PCDH10: variants seen among roughly 807,000 people sequenced by gnomAD.
PCDH10 encodes the protein protocadherin-10.
A neutral mutation model predicts 74.4 loss-of-function variants in PCDH10; 15 were observed. The ratio of observed to expected loss-of-function variants is 0.20; its 90% CI spans 0.13 to 0.31. PCDH10 has a LOEUF of 0.31. Ranked by LOEUF, PCDH10 falls within the 10% of genes least tolerant of loss-of-function variation. The pLI, the probability that PCDH10 is intolerant of heterozygous loss-of-function variation, is 1.00. For synonymous variants in PCDH10, 619 were observed against 589.8 expected, an observed-to-expected ratio of 1.05 and a Z score of -0.72; for missense variants, 1,260 against 1,390.2, an observed-to-expected ratio of 0.91 and a Z score of 1.49.
At chr4:133,180,699 T>A (rs1413186184) in intron 4 of PCDH10, among the ~76,000 whole-genome samples, 2 of 152,078 alleles carry the variant, frequency 1.3e-5, no homozygotes, top group Non-Finnish European at 2.9e-5. Context: ...TTGTAATACT[T>A]TGCATAGATA....
At chr4:133,182,408 CT>C (rs1356523334) in intron 4 of PCDH10, among the ~76,000 whole-genome samples, 1 of 151,952 alleles carries the variant, frequency 6.6e-6, no homozygotes, top group Non-Finnish European at 1.5e-5. Flanking sequence ...TTTGTTGGAA[CT>C]TCAGATACAC....
At chr4:133,183,910 A>C (rs1349415082) in intron 4 of PCDH10, among the ~76,000 whole-genome samples, 1 of 152,120 alleles carries the variant, frequency 6.6e-6, no homozygotes, top group East Asian at 1.9e-4. Context: ...CATTTTATTC[A>C]TTCATTGATG....
At position 133,152,785 on chromosome 4, in the gene PCDH10, G is replaced by C. The variant is rs1486694068; in HGVS notation, c.2631+14G>C. 2 of 1,613,908 alleles carry C rather than the reference G, an allele frequency of 1.2e-6. No homozygotes were observed. Among genetic ancestry groups the C allele is most frequent in the African/African-American group, 2.7e-5 (2 of 74,936 alleles). On this transcript the variant is annotated intron_variant, in intron 1 of 4. Coordinates refer to ENST00000264360, the MANE Select transcript of PCDH10 (RefSeq NM_032961.3). ...TTGTCCAACGAGGTAAGGCTGAAGC[G>C]AAAGGACCACCATCTCTCATCTCCT...
chr4:133,161,657 GT>G (rs1359631998), intron 3 of PCDH10, among the ~76,000 whole-genome samples: 2 of 151,628 alleles, frequency 1.3e-5, no homozygotes, highest in Admixed American at 6.6e-5. Flanking sequence ...ATGGATTCGA[GT>G]TTCTTTTCTA....
chr4:133,195,385 C>T (rs182870750), downstream of PCDH10, among the ~76,000 whole-genome samples: 1 of 151,946 alleles, frequency 6.6e-6, no homozygotes, highest in African/African-American at 2.4e-5. Context: ...GGAAAAGAAC[C>T]GAATAAAATA....
intron 3 of PCDH10, 61 bp from the exon 4 acceptor site, chr4:133,162,916 T>A: frequency 7.1e-7 from 1 of 1,408,604 alleles, no homozygotes. Flanking sequence ...AATCTTACAC[T>A]GCTAAGTAAC....
intron 4 of PCDH10, among the ~76,000 whole-genome samples, chr4:133,171,453 C>A (rs1479984930): frequency 1.3e-5 from 2 of 152,074 alleles, no homozygotes; most frequent in Admixed American, 6.6e-5. Flanking sequence ...TTCTGAATCA[C>A]CTTGGATACA....
At chr4:133,160,504 A>C (rs570288489) in intron 3 of PCDH10, among the ~76,000 whole-genome samples, 1 of 151,512 alleles carries the variant, frequency 6.6e-6, no homozygotes, top group South Asian at 2.1e-4. Context: ...TTTTAACCAA[A>C]CTCAAATAAT....
Position 133,152,488 on chromosome 4 carries a change from G to C in PCDH10, c.2348G>C (p.Ser783Thr). 1 of 1,614,152 alleles carries C rather than the reference G, an allele frequency of 6.2e-7. No homozygotes were observed. The highest frequency in any genetic ancestry group is 1.7e-5 in the Admixed American group (1 of 60,018). The change falls in exon 1 of 5, where the codon AGC (serine) becomes ACC (threonine). Residue 783 changes from serine to threonine, a missense_variant. Coordinates refer to ENST00000264360, the MANE Select transcript of PCDH10 (RefSeq NM_032961.3). ...GCCCGGGCGCGCAAGAAGAAACTCA[G>C]CAAGTCAGACATCATGCTGGTGCAG... ...RQARARKKKL[S>T]KSDIMLVQSS...
chr4:133,168,101 T>G (rs1241991991), intron 4 of PCDH10, among the ~76,000 whole-genome samples: 1 of 151,486 alleles, frequency 6.6e-6, no homozygotes, highest in Non-Finnish European at 1.5e-5. Context: ...AACTAACTGA[T>G]GCAGCAGTTG....
chr4:133,158,957 AT>A (rs1167627707), intron 3 of PCDH10, among the ~76,000 whole-genome samples: 1 of 152,002 alleles, frequency 6.6e-6, no homozygotes, highest in South Asian at 2.1e-4. Flanking sequence ...GCATATTTTG[AT>A]TTTTTTCATG....
At chr4:133,203,346 C>T (rs1194244601) in intron 2 of PCDH10, among the ~76,000 whole-genome samples, 3 of 152,038 alleles carry the variant, frequency 2.0e-5, no homozygotes, top group Non-Finnish European at 4.4e-5. Flanking sequence ...CTATACTCTG[C>T]TCATAGTTAT....
chr4:133,188,140 T>C (rs1727580073), intron 4 of PCDH10, among the ~76,000 whole-genome samples: 2 of 152,130 alleles, frequency 1.3e-5, no homozygotes, highest in Admixed American at 1.3e-4. Context: ...AAAGGAGTAA[T>C]ATTATTTGTC....
At chr4:133,195,093 G>A (rs758623157), downstream of PCDH10, among the ~76,000 whole-genome samples, 1 of 151,930 alleles carries the variant, frequency 6.6e-6, no homozygotes, top group Non-Finnish European at 1.5e-5. Context: ...AAATCCGTAT[G>A]GGTATCATCT....
intron 4 of PCDH10, among the ~76,000 whole-genome samples, chr4:133,172,391 A>G (rs1727220249): frequency 6.6e-6 from 1 of 152,028 alleles, no homozygotes; most frequent in Non-Finnish European, 1.5e-5. Context: ...CATGACTGAA[A>G]TCAGCTTTAC....
chr4:133,175,096 T>G (rs1727267240), intron 4 of PCDH10, among the ~76,000 whole-genome samples: 1 of 151,954 alleles, frequency 6.6e-6, no homozygotes, highest in South Asian at 2.1e-4. Context: ...TTACCTTTAT[T>G]TTTTTCAAGG....
rs150908556 is a variant in PCDH10, at chr4:133,152,306, G to C, written c.2166G>C (p.Leu722Phe). The change falls in exon 1 of 5, where the codon TTG becomes TTC. Residue 722 changes from leucine to phenylalanine, a missense_variant. Leu to Phe is a conservative substitution (Grantham distance 22). This residue lies in a region of PCDH10 where 587 missense variants were observed against 616.9 expected (regional missense o/e 0.95). Coordinates refer to ENST00000264360, the MANE Select transcript of PCDH10 (RefSeq NM_032961.3). ...TCACCCTCATCCTCATCATCGCGTTGGGCTCGGTGTCCTTCATCTTCCTGC... is the reference window on the plus strand; with the variant it reads ...TCACCCTCATCCTCATCATCGCGTTCGGCTCGGTGTCCTTCATCTTCCTGC... Reference protein sequence around the residue: ...LDLTLILIIALGSVSFIFLLA... With the variant: ...LDLTLILIIAFGSVSFIFLLA... 5.0e-6 allele frequency: 8 copies of C among 1,614,170 alleles called. No individual in the cohort carries two copies. The highest frequency in any genetic ancestry group is 6.8e-6 in the Non-Finnish European group (8 of 1,180,036).
chr4:133,182,139 T>C (rs1174334484), intron 4 of PCDH10, among the ~76,000 whole-genome samples: 1 of 152,048 alleles, frequency 6.6e-6, no homozygotes, highest in Non-Finnish European at 1.5e-5. Context: ...GAGTGAATAT[T>C]GTGATACAAT....
intron 3 of PCDH10, among the ~76,000 whole-genome samples, chr4:133,162,202 A>G (rs1477450974): frequency 6.6e-6 from 1 of 152,196 alleles, no homozygotes; most frequent in African/African-American, 2.4e-5. Flanking sequence ...GTATTTGTCA[A>G]TAGTATCTGC....
Sources: allele counts gnomAD v4.1 joint callset (sites outside exome capture counted in the v4.1 genomes callset), GRCh38; gene constraint gnomAD v4.1.1; regional missense constraint gnomAD v4.1.1; transcripts MANE v1.5; gene names NCBI Gene and HGNC (gene_info 2026-07-23, HGNC 2026-07-21).